The following TBCD variants were observed in gnomAD, a reference collection of about 807,000 sequenced individuals.
TBCD encodes the protein tubulin folding cofactor D.
A neutral mutation model predicts 169.3 loss-of-function variants in TBCD; 105 were observed. The observed-to-expected ratio is 0.62, with a 90% confidence interval of 0.53 to 0.73. TBCD has a LOEUF of 0.73. TBCD is among the 30% of genes least tolerant of loss of function. The probability of loss-of-function intolerance (pLI) is 0.00; values close to 1 mark genes in which losing one functional copy is unlikely to be tolerated. For synonymous variants in TBCD, 700 were observed against 643.9 expected (o/e 1.09, Z -1.32); for missense variants, 1,444 against 1,600.1 (o/e 0.90, Z 1.66).
At chr17:82,793,666 G>T (rs1173470584) in intron 7 of TBCD, among the ~76,000 whole-genome samples, 1 of 152,220 alleles carries the variant, frequency 6.6e-6, no homozygotes, top group Non-Finnish European at 1.5e-5. Flanking sequence ...CGGACCTGGG[G>T]CTGTGCTCTC....
At position 82,781,709 on chromosome 17, in the gene TBCD, G is replaced by A. The variant is rs370887175; in HGVS notation, c.759G>A (p.Thr253=). The A allele has an allele frequency of 1.5e-5, 24 of 1,613,548 alleles. No homozygotes were observed. In the African/African-American group the frequency reaches 2.3e-4, roughly 15 times the overall value. ...TMQGVITMDG[T]LQALAQIFKH... is the part of the protein sequence containing the mutation. ...AGGGGGTCATCACCATGGATGGGAC[G>A]CTGCAGGCCCTGGTAAGTGCTGCCC... Residue 253 remains threonine (T), a synonymous_variant, in exon 7 of 39, where the codon ACG becomes ACA. Coordinates refer to ENST00000355528, the MANE Select transcript of TBCD (RefSeq NM_005993.5).
intron 3 of TBCD, 99 bp downstream of exon 3, chr17:82,764,161 C>T: frequency 1.1e-6 from 1 of 951,516 alleles, no homozygotes; most frequent in Non-Finnish European, 1.6e-6. Context: ...AAAGATAGTT[C>T]TTAGACACAA....
intron 6 of TBCD, among the ~76,000 whole-genome samples, chr17:82,779,931 G>A (rs1264252047): frequency 1.3e-5 from 2 of 152,212 alleles, no homozygotes; most frequent in African/African-American, 2.4e-5. Flanking sequence ...CCTTCCGGGA[G>A]GTGGCCTTGT....
At chr17:82,926,273 A>G (rs1014697019) in intron 27 of TBCD, 127 bp from the exon 28 acceptor site, 17 of 833,414 alleles carry the variant, frequency 2.0e-5, no homozygotes, top group Non-Finnish European at 3.1e-5. Flanking sequence ...GCCGTGAGGA[A>G]GGTGGTGCCA....
intron 5 of TBCD, 66 bp from the exon 6 acceptor site, chr17:82,772,386 T>G (rs374854805): frequency 6.5e-7 from 1 of 1,536,254 alleles, no homozygotes; most frequent in Non-Finnish European, 9.0e-7. Flanking sequence ...GACTGGTGAC[T>G]GTGTGGTGTC....
At chr17:82,858,644 G>A (rs1192198538) in intron 13 of TBCD, 43 of 985,300 alleles carry the variant, frequency 4.4e-5, no homozygotes, top group Non-Finnish European at 5.2e-5. Flanking sequence ...ACACTTTTTA[G>A]GGTTGCTTTT....
chr17:82,794,289 G>A (rs1441580508), intron 7 of TBCD, among the ~76,000 whole-genome samples: 1 of 152,116 alleles, frequency 6.6e-6, no homozygotes, highest in African/African-American at 2.4e-5. Context: ...TTGCAGAGAA[G>A]CCAGCTTGGG....
intron 5 of TBCD, among the ~76,000 whole-genome samples, chr17:82,770,083 C>A (rs76478610): frequency 3.9e-5 from 6 of 151,986 alleles, no homozygotes; most frequent in Non-Finnish European, 7.4e-5. Context: ...TGAATCCAGG[C>A]GGTTTATCTG....
Position 82,942,623 on chromosome 17 carries a change from C to T in TBCD, c.*160C>T. 1.2e-5 allele frequency: 11 copies of T among 894,896 alleles called. No individual in the cohort carries two copies. Among genetic ancestry groups the T allele is most frequent in the East Asian group, 2.6e-5 (1 of 37,926 alleles). 55.4% of individuals were successfully genotyped at this position (894,896 alleles called of 1,614,324 possible). On this transcript the variant is annotated 3_prime_UTR_variant, in exon 39 of 39. Transcript: ENST00000355528. ...TAGCTGACAGCTTTTCCTCTCTGCACCTGCGCTCTGGTGACTTGGGGTGGA... is the reference window on the plus strand; with the variant it reads ...TAGCTGACAGCTTTTCCTCTCTGCATCTGCGCTCTGGTGACTTGGGGTGGA...
At chr17:82,934,261 C>T (rs2062442342) in intron 34 of TBCD, among the ~76,000 whole-genome samples, 1 of 152,182 alleles carries the variant, frequency 6.6e-6, no homozygotes, top group South Asian at 2.1e-4. Context: ...AACCTTCGGG[C>T]GGGAGGCAGA....
At chr17:82,776,508 T>C (rs965633785) in intron 6 of TBCD, among the ~76,000 whole-genome samples, 1 of 152,250 alleles carries the variant, frequency 6.6e-6, no homozygotes. Context: ...TTTGCACCGT[T>C]ATGACTTTTA....
chr17:82,796,545 A>G (rs1463282214), intron 7 of TBCD, among the ~76,000 whole-genome samples: 1 of 152,136 alleles, frequency 6.6e-6, no homozygotes, highest in Non-Finnish European at 1.5e-5. Context: ...GGGTGCTGCC[A>G]CTGCCCCATT....
At chr17:82,810,407 C>T (rs2051343752) in intron 12 of TBCD, among the ~76,000 whole-genome samples, 1 of 152,190 alleles carries the variant, frequency 6.6e-6, no homozygotes, top group East Asian at 1.9e-4. Flanking sequence ...GCCACTGCTG[C>T]ACTCCAGACT....
At position 82,922,001 on chromosome 17, in the gene TBCD, AGT is replaced by A. The variant is rs150078562; in HGVS notation, c.2178+437_2178+438del. Among the ~76,000 whole-genome samples the A allele has an allele frequency of 1.3e-5, 2 of 151,880 alleles. No individual in the cohort carries two copies. Among genetic ancestry groups the A allele is most frequent in the African/African-American group, 4.8e-5 (2 of 41,382 alleles). ...GACCTGGTCATGTTGTGTGGGTGCC[AGT>A]GTGTGTGTGTGTCCCCGGCCACCTG... On this transcript the variant is annotated intron_variant, in intron 25 of 38. Coordinates refer to ENST00000355528, the MANE Select transcript of TBCD (RefSeq NM_005993.5). The surrounding 1 kb of genome is among the most constrained non-coding windows in gnomAD (Gnocchi z 4.1).
chr17:82,882,148 G>A (rs2058400477), intron 14 of TBCD, among the ~76,000 whole-genome samples: 1 of 152,254 alleles, frequency 6.6e-6, no homozygotes, highest in African/African-American at 2.4e-5. Context: ...TCCAGCCGCA[G>A]GGAGGACTTT....
chr17:82,813,982 T>A (rs1309954187), intron 12 of TBCD, among the ~76,000 whole-genome samples: 1 of 152,204 alleles, frequency 6.6e-6, no homozygotes, highest in Non-Finnish European at 1.5e-5. Flanking sequence ...GTCATACAAT[T>A]TAGTGGGTTT....
intron 20 of TBCD, 39 bp from the exon 21 acceptor site, chr17:82,907,722 G>T: frequency 6.2e-7 from 1 of 1,611,484 alleles, no homozygotes; most frequent in Non-Finnish European, 8.5e-7. Flanking sequence ...TTAGGGTCTT[G>T]GGGAGTGTGA....
Position 82,923,370 on chromosome 17 carries a change from C to T in TBCD, c.2179-282C>T, listed in dbSNP as rs1046026081. 5.3e-5 allele frequency among the ~76,000 whole-genome samples: 8 copies of T among 152,104 alleles called. No homozygotes were observed. The highest frequency in any genetic ancestry group is 5.2e-4 in the Admixed American group (8 of 15,272). On this transcript the variant is annotated intron_variant, in intron 25 of 38. Coordinates refer to ENST00000355528, the MANE Select transcript of TBCD (RefSeq NM_005993.5). The surrounding 1 kb of genome is among the most constrained non-coding windows in gnomAD (Gnocchi z 4.6). Reference sequence around the variant, plus strand: ...ACTTAGGGGTTCTTTTGGTTTGGTTCGAAAGTCATTGCTGTGCCGAGATCT... The same window carrying T: ...ACTTAGGGGTTCTTTTGGTTTGGTTTGAAAGTCATTGCTGTGCCGAGATCT...
intron 13 of TBCD, among the ~76,000 whole-genome samples, chr17:82,845,401 C>T (rs1290628187): frequency 6.7e-6 from 1 of 150,134 alleles, no homozygotes; most frequent in Admixed American, 6.6e-5. Context: ...CCGTCCTGTC[C>T]AGCTTGGCCC....
Sources: allele counts gnomAD v4.1 joint callset (sites outside exome capture counted in the v4.1 genomes callset), GRCh38; gene constraint gnomAD v4.1.1; non-coding constraint Gnocchi (gnomAD v3.1); transcripts MANE v1.5; gene names NCBI Gene and HGNC (gene_info 2026-07-23, HGNC 2026-07-21).